Variants in ACY3 observed in about 807,000 individuals in gnomAD.
The protein encoded by ACY3 is N-acyl-aromatic-L-amino acid amidohydrolase (carboxylate-forming).
ACY3 carries 20 observed loss-of-function variants against 24.6 expected under a neutral mutation model. The observed-to-expected ratio is 0.81, with a 90% CI of 0.57 to 1.18. The LOEUF (loss-of-function observed/expected upper bound fraction) is 1.18. ACY3 is among the 50% of genes most tolerant of loss of function. ACY3 has a pLI of 0.00. For missense variants in ACY3, 423 were observed against 426.8 expected (o/e 0.99, Z 0.08); for synonymous variants, 174 against 188.4 (o/e 0.92, Z 0.62).
Position 67,645,220 on chromosome 11 carries a change from C to T in ACY3, c.526+67G>A. The stretch of plus-strand genomic sequence containing the variant: ...TATACTCCTTGAAGAGGCCCTGCCC[C>T]TTGGTGACTGGACCCGCCCCTCCAG... On this transcript the variant is annotated intron_variant, in intron 5 of 7. Transcript: ENST00000255082. 5 of 1,607,362 alleles carry T rather than the reference C, an allele frequency of 3.1e-6. No homozygotes were observed. In the South Asian group the frequency reaches 4.4e-5, roughly 14 times the overall value.
chr11:67,647,039 C>A lies in ACY3; in HGVS notation c.5G>T (p.Cys2Phe). 6.5e-7 allele frequency: 1 copy of A among 1,526,956 alleles called. No homozygotes were observed. Among genetic ancestry groups the A allele is most frequent in the Non-Finnish European group, 8.8e-7 (1 of 1,134,596 alleles). 94.6% of individuals were successfully genotyped at this position (1,526,956 alleles called of 1,614,324 possible). A position where few individuals can be genotyped will look rare whatever the true frequency, so the allele number is the denominator to read the frequency against. The change falls in exon 3 of 8, where the codon TGC (cysteine) becomes TTC (phenylalanine). Residue 2 changes from cysteine (C) to phenylalanine (F), a missense_variant. By Grantham distance (205) the Cys-to-Phe change is radical (BLOSUM62 -2). Transcript: ENST00000255082. ...GGGCTCCCGGGGCACAGGCAGTGAG[C>A]ACATGCTGGTGTGGGGTGCAGAACC... is the stretch of plus-strand genomic sequence containing the variant. M[C>F]SLPVPREPLR...
rs754555869 is a variant in ACY3, at chr11:67,647,016, G to A, written c.28C>T (p.Pro10Ser). 2 of 1,547,402 alleles carry A rather than the reference G, an allele frequency of 1.3e-6. No individual in the cohort carries two copies. Among genetic ancestry groups the A allele is most frequent in the African/African-American group, 1.4e-5 (1 of 73,424 alleles). ...CCAGTCACAGCCACGCGACGCAGGG[G>A]CTCCCGGGGCACAGGCAGTGAGCAC... is the stretch of plus-strand genomic sequence containing the variant. MCSLPVPRE[P>S]LRRVAVTGGT... is the part of the protein sequence containing the mutation. Residue 10 changes from proline (P) to serine (S), a missense_variant, in exon 3 of 8, where the codon CCC becomes TCC. Pro to Ser is a moderately conservative substitution (Grantham distance 74). Transcript: ENST00000255082.
At chr11:67,645,520 G>A in intron 4 of ACY3, 140 bp from the exon 5 acceptor site, 4 of 1,219,168 alleles carry the variant, frequency 3.3e-6, no homozygotes, top group African/African-American at 1.5e-5. Flanking sequence ...GGTAGGGGAG[G>A]GGGTACCGGG....
Position 67,645,725 on chromosome 11 carries a change from T to G in ACY3, c.399A>C (p.Glu133Asp). 2 of 1,612,078 alleles carry G rather than the reference T, an allele frequency of 1.2e-6. No individual in the cohort carries two copies. The highest frequency in any genetic ancestry group is 8.5e-7 in the Non-Finnish European group (1 of 1,179,372). ...GGCGGCACAGGTGCATGGCAAAGAC[T>G]TCGTGGGAGGACTTCGCGATTAAGC... ...GTCLIAKSSHEVFAMHLCRHL... is the reference protein window; with the variant it reads ...GTCLIAKSSHDVFAMHLCRHL... Residue 133 changes from glutamate (E) to aspartate (D), a missense_variant, in exon 4 of 8, where the codon GAA becomes GAC. By Grantham distance (45) the Glu-to-Asp change is conservative (BLOSUM62 2). Transcript: ENST00000255082.
At chr11:67,644,054 G>T (rs1201739444) in intron 7 of ACY3, among the ~76,000 whole-genome samples, 2 of 152,104 alleles carry the variant, frequency 1.3e-5, no homozygotes, top group Non-Finnish European at 2.9e-5. Flanking sequence ...CACCCAAATT[G>T]ACTGTTATGA....
chr11:67,645,475 C>G, intron 4 of ACY3, 95 bp from the exon 5 acceptor site: 1 of 1,382,312 alleles, frequency 7.2e-7, no homozygotes, highest in Non-Finnish European at 9.9e-7. Flanking sequence ...AGGGCACCAC[C>G]CTCCTTGGCC....
At chr11:67,649,326 G>A (rs1188586442) in intron 1 of ACY3, among the ~76,000 whole-genome samples, 2 of 152,176 alleles carry the variant, frequency 1.3e-5, no homozygotes, top group African/African-American at 4.8e-5. Context: ...GGCAGACCTA[G>A]CTATTTTGGG....
Position 67,643,633 on chromosome 11 carries a change from A to G in ACY3, c.745-694T>C, listed in dbSNP as rs145494526. The stretch of plus-strand genomic sequence containing the variant: ...GCGGAGGTTGCAGTAAGCCAATATT[A>G]TGCCACTGCACTCCAGCCTGGGCAA... On this transcript the variant is annotated intron_variant, in intron 7 of 7. Transcript: ENST00000255082. 2.5e-3 allele frequency among the ~76,000 whole-genome samples: 373 copies of G among 151,374 alleles called. 1 individual carries two copies. The highest frequency in any genetic ancestry group is 8.9e-3 in the African/African-American group (365 of 41,172).
chr11:67,644,495 T>C lies in ACY3; in HGVS notation c.744+265A>G, dbSNP rs547411529. ...TACAGCCAGGGTAGGGTTGTCTCCA[T>C]CATGCCCTCCACAGGAGCTATGGGG... On this transcript the variant is annotated intron_variant, in intron 7 of 7. Coordinates refer to ENST00000255082, the MANE Select transcript of ACY3 (RefSeq NM_080658.2). 1.1e-4 allele frequency among the ~76,000 whole-genome samples: 16 copies of C among 152,268 alleles called. No homozygotes were observed. In the South Asian group the frequency reaches 3.3e-3, roughly 32 times the overall value.
At chr11:67,644,684 C>T in intron 7 of ACY3, 76 bp downstream of exon 7, 1 of 1,410,156 alleles carries the variant, frequency 7.1e-7, no homozygotes, top group Non-Finnish European at 9.6e-7. Flanking sequence ...CTCAGTTTTC[C>T]TTGACAATCC....
chr11:67,643,047 TC>T, intron 7 of ACY3, 108 bp from the exon 8 acceptor site: 2 of 936,840 alleles, frequency 2.1e-6, no homozygotes, highest in Non-Finnish European at 3.3e-6. Context: ...TCATGGCTTT[TC>T]CCACCCATGC....
At chr11:67,646,563 AT>A (rs929068947) in intron 3 of ACY3, among the ~76,000 whole-genome samples, 11 of 152,262 alleles carry the variant, frequency 7.2e-5, no homozygotes, top group African/African-American at 2.7e-4. Flanking sequence ...TGAGGGAAGA[AT>A]TAGGTCTGGG....
chr11:67,645,994 G>A (rs1855510039), intron 3 of ACY3, 107 bp from the exon 4 acceptor site: 6 of 1,125,028 alleles, frequency 5.3e-6, no homozygotes, highest in African/African-American at 3.1e-5. Context: ...TGAGCAGCTC[G>A]AGCGAGGGCT....
intron 1 of ACY3, among the ~76,000 whole-genome samples, chr11:67,650,089 G>A (rs2514041): frequency 0.068 from 10,345 of 152,192 alleles, 1,189 homozygotes; most frequent in African/African-American, 0.24. Context: ...GGAACAAAGG[G>A]CGGGCACAAG....
At chr11:67,644,193 C>T (rs1855463494) in intron 7 of ACY3, among the ~76,000 whole-genome samples, 1 of 151,746 alleles carries the variant, frequency 6.6e-6, no homozygotes, top group Non-Finnish European at 1.5e-5. Context: ...CACAAAAGGC[C>T]ACAAGATTGC....
At chr11:67,644,260 C>T (rs999411423) in intron 7 of ACY3, among the ~76,000 whole-genome samples, 4 of 152,068 alleles carry the variant, frequency 2.6e-5, no homozygotes, top group Admixed American at 1.3e-4. Context: ...GCAGCCAGTA[C>T]GTTCTTCTCA....
intron 1 of ACY3, among the ~76,000 whole-genome samples, chr11:67,649,822 ATGCATGTGTGTGTACATGTG>A (rs899102532): frequency 3.4e-5 from 4 of 118,654 alleles, no homozygotes; most frequent in Non-Finnish European, 7.6e-5. Context: ...GCATGTGTGC[ATGCATGTGTGTGTACATGTG>A]TGCGTGTGTG....
intron 2 of ACY3, 131 bp downstream of exon 2, chr11:67,647,385 G>A: frequency 4.1e-6 from 1 of 244,448 alleles, no homozygotes; most frequent in East Asian, 8.3e-5. Flanking sequence ...CTGAGGCACA[G>A]CGTGGGGAGT....
At position 67,644,790 on chromosome 11, in the gene ACY3, G is replaced by A. The variant is rs1324476202; in HGVS notation, c.714C>T (p.His238=). Residue 238 remains histidine (H), a synonymous_variant, in exon 7 of 8, where the codon CAC becomes CAT. Coordinates refer to ENST00000255082, the MANE Select transcript of ACY3 (RefSeq NM_080658.2). Reference sequence around the variant, plus strand: ...GCTGAGGATGCACAGTGCCTGCCAGGTGCCCGGCCTCGGTGCGGGGGAAGT... The same window carrying A: ...GCTGAGGATGCACAGTGCCTGCCAGATGCCCGGCCTCGGTGCGGGGGAAGT... ...VVDFPRTEAG[H]LAGTVHPQLQ... is the part of the protein sequence containing the mutation. 1 of 1,560,614 alleles carries A rather than the reference G, an allele frequency of 6.4e-7. No individual in the cohort carries two copies. The highest frequency in any genetic ancestry group is 1.9e-5 in the Admixed American group (1 of 51,978).
Sources: allele counts gnomAD v4.1 joint callset (sites outside exome capture counted in the v4.1 genomes callset), GRCh38; gene constraint gnomAD v4.1.1; transcripts MANE v1.5; gene names NCBI Gene and HGNC (gene_info 2026-07-23, HGNC 2026-07-21).